The following RNASEH1 variants were observed in gnomAD, a reference collection of about 807,000 sequenced individuals.
RNASEH1 encodes the protein ribonuclease H type II.
RNASEH1 carries 27 observed loss-of-function variants against 34.6 expected under a neutral mutation model. The ratio of observed to expected loss-of-function variants is 0.78; its 90% CI spans 0.58 to 1.08. The LOEUF is 1.08. Ranked by LOEUF, RNASEH1 falls within the 50% of genes least tolerant of loss-of-function variation. The pLI, the probability that RNASEH1 is intolerant of heterozygous loss-of-function variation, is 0.00. For synonymous variants in RNASEH1, 162 were observed against 138.4 expected, an observed-to-expected ratio of 1.17 and a Z score of -1.20; for missense variants, 349 against 373.6, an observed-to-expected ratio of 0.93 and a Z score of 0.54.
At chr2:3,532,253 C>T in the RNASEH1 span, 1 of 702,292 alleles carries the variant, frequency 1.4e-6, no homozygotes, top group South Asian at 1.5e-5. Context: ...TCTCATGACC[C>T]TCATGTTATC....
chr2:3,551,035 A>G (rs367825494), intron 3 of RNASEH1, among the ~76,000 whole-genome samples: 8 of 152,248 alleles, frequency 5.3e-5, no homozygotes, highest in African/African-American at 1.9e-4. Context: ...TGACGGGGGC[A>G]TTCTCAGGCC....
chr2:3,554,969 C>G, intron 2 of RNASEH1, among the ~76,000 whole-genome samples: 1 of 152,332 alleles, frequency 6.6e-6, no homozygotes, highest in African/African-American at 2.4e-5. Flanking sequence ...GCCGAGTGAA[C>G]TATGGGAAGA....
At chr2:3,553,309 A>C (rs1377133269) in intron 2 of RNASEH1, among the ~76,000 whole-genome samples, 2 of 152,120 alleles carry the variant, frequency 1.3e-5, no homozygotes, top group African/African-American at 4.8e-5. Context: ...CTTCAGGGTC[A>C]GTACTCTTGC....
Position 3,544,494 on chromosome 2 carries a change from A to C in RNASEH1, c.*1291T>G, listed in dbSNP as rs998850343. ...AAACAAAAAAAAGCAGACAAGACTAAACTGCCATCAAAAAACCAAGAAAGT... is the reference window on the plus strand; with the variant it reads ...AAACAAAAAAAAGCAGACAAGACTACACTGCCATCAAAAAACCAAGAAAGT... On this transcript the variant is annotated 3_prime_UTR_variant, in exon 8 of 8. Transcript: ENST00000315212. 2.5e-4 allele frequency among the ~76,000 whole-genome samples: 38 copies of C among 152,310 alleles called. No individual in the cohort carries two copies. The highest frequency in any genetic ancestry group is 8.9e-4 in the African/African-American group (37 of 41,570).
the RNASEH1 span, among the ~76,000 whole-genome samples, chr2:3,536,423 G>T: frequency 6.6e-6 from 1 of 152,202 alleles, no homozygotes; most frequent in East Asian, 1.9e-4. Context: ...ACCCCTCCGA[G>T]TCCCCTCGTG....
rs777566320 is a variant in RNASEH1 at position 3,550,274 on chromosome 2, T to C, written c.509+99A>G. The C allele has an allele frequency of 2.6e-4, 258 of 1,010,024 alleles. 1 individual carries two copies. Among genetic ancestry groups the C allele is most frequent in the Non-Finnish European group, 3.7e-4 (232 of 634,866 alleles). The allele number at this position is 1,010,024 out of a possible 1,614,324, so 62.6% of individuals were successfully genotyped here. On this transcript the variant is annotated intron_variant, in intron 4 of 7. Coordinates refer to ENST00000315212, the MANE Select transcript of RNASEH1 (RefSeq NM_002936.6). The stretch of plus-strand genomic sequence containing the variant: ...GCCACCCCTGCCAGAGCTACTTATC[T>C]GCAGGTTTTCCCAATAATCAAACAA...
In RNASEH1 at chr2:3,552,281, G is replaced by T; in HGVS notation, c.272C>A (p.Ser91Ter). ...EGHENQHGQE[S>*]EAKASKRLRE... ...GAGTCGCTTGCTGGCTTTCGCCTCC[G>T]ATTCTTGTCCATGTTGATTTTCATG... The change falls in exon 3 of 8, where the codon TCG becomes TAG. Residue 91 changes from serine (S) to a stop codon, truncating the protein, a stop_gained. Coordinates refer to ENST00000315212, the MANE Select transcript of RNASEH1 (RefSeq NM_002936.6). LOFTEE classifies it high-confidence loss of function. 1 of 1,613,650 alleles carries T rather than the reference G, an allele frequency of 6.2e-7. No homozygotes were observed. Among genetic ancestry groups the T allele is most frequent in the South Asian group, 1.1e-5 (1 of 91,040 alleles).
At chr2:3,538,289 T>A (rs980345556), downstream of RNASEH1, among the ~76,000 whole-genome samples, 1 of 151,650 alleles carries the variant, frequency 6.6e-6, no homozygotes, top group African/African-American at 2.4e-5. Flanking sequence ...GACGCAGAGG[T>A]TGCAGTGAGC....
At chr2:3,538,419 C>G (rs1031442345), downstream of RNASEH1, among the ~76,000 whole-genome samples, 2 of 152,012 alleles carry the variant, frequency 1.3e-5, no homozygotes, top group Non-Finnish European at 2.9e-5. Flanking sequence ...CACACCCCAG[C>G]AAGTCTCATT....
the RNASEH1 span, chr2:3,534,176 A>G: frequency 6.6e-6 from 1 of 152,286 alleles, no homozygotes; most frequent in African/African-American, 2.4e-5. Flanking sequence ...ATCATGCAAT[A>G]GAAGTTTTTT....
At chr2:3,539,687 T>C (rs1345381894), downstream of RNASEH1, among the ~76,000 whole-genome samples, 1 of 152,206 alleles carries the variant, frequency 6.6e-6, no homozygotes, top group Non-Finnish European at 1.5e-5. Flanking sequence ...GAGTTCTGAA[T>C]GTCAGCTCAT....
the RNASEH1 span, among the ~76,000 whole-genome samples, chr2:3,535,623 G>T: frequency 6.6e-6 from 1 of 152,220 alleles, no homozygotes; most frequent in African/African-American, 2.4e-5. Flanking sequence ...GAGTTGGCAA[G>T]TGCAGGTGAG....
At position 3,542,301 on chromosome 2, in the gene RNASEH1, G is replaced by A. The variant is rs778365827; in HGVS notation, c.*3484C>T. Among the ~76,000 whole-genome samples the A allele has an allele frequency of 5.3e-5, 8 of 152,128 alleles. No individual in the cohort carries two copies. Among genetic ancestry groups the A allele is most frequent in the Non-Finnish European group, 8.8e-5 (6 of 68,022 alleles). On this transcript the variant is annotated 3_prime_UTR_variant, in exon 8 of 8. Transcript: ENST00000315212. The stretch of plus-strand genomic sequence containing the variant: ...AACACATGACACATTCGAATAAAAC[G>A]GCCGACTTGACAGAAAAAGGAAAAA...
chr2:3,546,582 T>C (rs1668775759), intron 7 of RNASEH1, among the ~76,000 whole-genome samples: 2 of 152,186 alleles, frequency 1.3e-5, no homozygotes, highest in Admixed American at 6.5e-5. Context: ...AGTAATGCCA[T>C]GTGCCCAGGT....
At chr2:3,552,983 T>C (rs1185035306) in intron 2 of RNASEH1, among the ~76,000 whole-genome samples, 4 of 151,984 alleles carry the variant, frequency 2.6e-5, no homozygotes, top group Non-Finnish European at 4.4e-5. Context: ...TAATGGGACA[T>C]ATTAAGAAAG....
chr2:3,542,781 T>C lies in RNASEH1; in HGVS notation c.*3004A>G, dbSNP rs796307365. Among the ~76,000 whole-genome samples the C allele has an allele frequency of 3.9e-5, 6 of 152,296 alleles. No homozygotes were observed. The South Asian group carries it at 1.2e-3, about 32-fold the overall frequency. ...CCGAGTGCAGGAGACACAGACATCA[T>C]ATAGAGGAGGCTATGTAAAGGCCCC... On this transcript the variant is annotated 3_prime_UTR_variant, in exon 8 of 8. Coordinates refer to ENST00000315212, the MANE Select transcript of RNASEH1 (RefSeq NM_002936.6).
downstream of RNASEH1, among the ~76,000 whole-genome samples, chr2:3,537,932 G>C (rs147765749): frequency 0.037 from 5,700 of 152,266 alleles, 131 homozygotes; most frequent in South Asian, 0.088. Flanking sequence ...AGCTACTCGG[G>C]AGGCTGAGGC....
chr2:3,532,160 G>A, the RNASEH1 span: 1 of 672,144 alleles, frequency 1.5e-6, no homozygotes, highest in Non-Finnish European at 2.7e-6. Context: ...TTCCGTGTCA[G>A]CTAACACTTT....
At chr2:3,541,337 A>G (rs557129452), downstream of RNASEH1, among the ~76,000 whole-genome samples, 469 of 152,112 alleles carry the variant, frequency 3.1e-3, 3 homozygotes, top group African/African-American at 0.011. Context: ...TCCAAAAAAA[A>G]AAAAAGAAAA....
Sources: gnomAD v4.1 joint callset for allele counts (sites outside exome capture counted in the v4.1 genomes callset) on GRCh38, gnomAD v4.1.1 for gene constraint, MANE v1.5 for transcripts, NCBI Gene and HGNC (gene_info 2026-07-23, HGNC 2026-07-21) for gene names.